PDXDC1: variants seen among roughly 807,000 people sequenced by gnomAD.
The protein encoded by PDXDC1 is pyridoxal dependent decarboxylase domain containing 1.
Under a neutral mutation model 100.1 loss-of-function variants are expected in PDXDC1, and 42 were observed. The observed-to-expected ratio is 0.42, with a 90% CI of 0.33 to 0.54. The LOEUF (loss-of-function observed/expected upper bound fraction) is 0.54. Among genes scored for constraint, PDXDC1 ranks in the 20% least tolerant of loss-of-function variants. The pLI, the probability that PDXDC1 is intolerant of heterozygous loss-of-function variation, is 0.10. For missense variants in PDXDC1, 636 were observed against 979.2 expected (o/e 0.65, Z 4.68); for synonymous variants, 260 against 371.7 (o/e 0.70, Z 3.46).
At chr16:15,094,465 A>G in intron 16 of PDXDC1, 2 of 576,376 alleles carry the variant, frequency 3.5e-6, no homozygotes, top group Admixed American at 6.5e-5. Flanking sequence ...GAGAGACGGG[A>G]AGGACCGGCT....
Position 15,094,004 on chromosome 16 carries a change from T to G in PDXDC1, c.1400-44875T>G, listed in dbSNP as rs987058178. 6 of 735,460 alleles carry G rather than the reference T, an allele frequency of 8.2e-6. No homozygotes were observed. In the African/African-American group the frequency reaches 1.1e-4, roughly 13 times the overall value. The allele number at this position is 735,460 out of a possible 1,614,324, so 45.6% of individuals were successfully genotyped here. A position where few individuals can be genotyped will look rare whatever the true frequency, so the allele number is the denominator to read the frequency against. ...CCCAGTTAGGAGGAATGAGCTCATT[T>G]CTGTGAACGTGAGATGACCCTCCAC... On this transcript the variant is annotated intron_variant, in intron 16 of 16. Transcript: ENST00000535621.
intron 1 of PDXDC1, among the ~76,000 whole-genome samples, chr16:14,985,438 C>T (rs1457534856): frequency 2.6e-5 from 4 of 152,236 alleles, no homozygotes; most frequent in Non-Finnish European, 5.9e-5. Flanking sequence ...CAGGCGCCCG[C>T]CAGCACACCT....
rs1267257461 is a variant in PDXDC1, at chr16:15,133,830, T to A, written c.1400-5049T>A. Reference sequence around the variant, plus strand: ...GAAGTGCACCTTGGTGGTGAGGGCGTGCACAGCGCCCAGTGGGAAGAGGCG... The same window carrying A: ...GAAGTGCACCTTGGTGGTGAGGGCGAGCACAGCGCCCAGTGGGAAGAGGCG... On this transcript the variant is annotated intron_variant, in intron 16 of 16. Coordinates refer to the PDXDC1 transcript ENST00000535621. The A allele has an allele frequency of 3.8e-6, 6 of 1,581,812 alleles. No homozygotes were observed. In the African/African-American group the frequency reaches 5.4e-5, roughly 14 times the overall value.
chr16:15,067,012 T>C (rs1191255870), intron 16 of PDXDC1, among the ~76,000 whole-genome samples: 1 of 149,204 alleles, frequency 6.7e-6, no homozygotes, highest in Non-Finnish European at 1.5e-5. Flanking sequence ...GCTTCATCCA[T>C]CCTCACTCTT....
chr16:15,085,853 C>A (rs1312517327), intron 16 of PDXDC1, among the ~76,000 whole-genome samples: 3 of 152,028 alleles, frequency 2.0e-5, no homozygotes, highest in African/African-American at 7.2e-5. Context: ...AACGCACAAT[C>A]TGAAAAAAAG....
intron 5 of PDXDC1, 105 bp downstream of exon 5, chr16:15,004,438 T>C: frequency 1.5e-6 from 2 of 1,325,092 alleles, no homozygotes; most frequent in East Asian, 2.4e-5. Flanking sequence ...TCCTTCTCCT[T>C]GAAAGGGGTG....
At chr16:15,078,266 T>C (rs990600232) in intron 16 of PDXDC1, among the ~76,000 whole-genome samples, 6 of 152,142 alleles carry the variant, frequency 3.9e-5, no homozygotes, top group Non-Finnish European at 8.8e-5. Context: ...TGCTTTCCTA[T>C]AGCATCAATG....
Position 15,128,716 on chromosome 16 carries a change from C to T in PDXDC1, c.1400-10163C>T, listed in dbSNP as rs1307204210. Among the ~76,000 whole-genome samples, 11 of 152,234 alleles carry T rather than the reference C, an allele frequency of 7.2e-5. No individual in the cohort carries two copies. The East Asian group carries it at 7.7e-4, about 11-fold the overall frequency. On this transcript the variant is annotated intron_variant, in intron 16 of 16. Transcript: ENST00000535621. ...CTCAGTCACGCCACAACCAGTGACC[C>T]GCACCACACACCCGTCCCTCAGTTC...
chr16:15,073,484 C>G (rs745970360), intron 16 of PDXDC1, among the ~76,000 whole-genome samples: 1 of 152,134 alleles, frequency 6.6e-6, no homozygotes, highest in African/African-American at 2.4e-5. Context: ...CAGACATTAT[C>G]CATTAAAATA....
chr16:14,993,601 A>G (rs1971339811), intron 1 of PDXDC1, among the ~76,000 whole-genome samples: 2 of 152,298 alleles, frequency 1.3e-5, no homozygotes, highest in South Asian at 4.1e-4. Context: ...CACAATAAAC[A>G]TACGTGTGCA....
chr16:15,149,426 G>C, the PDXDC1 span, among the ~76,000 whole-genome samples: 13 of 152,212 alleles, frequency 8.5e-5, no homozygotes, highest in East Asian at 1.9e-4. Context: ...CAGGATCCAG[G>C]GACCAGAAAT....
intron 6 of PDXDC1, among the ~76,000 whole-genome samples, chr16:15,008,192 A>G (rs1325426957): frequency 1.3e-5 from 2 of 152,300 alleles, no homozygotes; most frequent in Middle Eastern, 3.2e-3. Context: ...ATACAGAACA[A>G]TATGCTGCAA....
chr16:15,011,832 T>C (rs1317708411), intron 8 of PDXDC1, among the ~76,000 whole-genome samples: 1 of 152,156 alleles, frequency 6.6e-6, no homozygotes, highest in East Asian at 1.9e-4. Flanking sequence ...CCGGGCTAAT[T>C]TTTGTATTTT....
chr16:15,040,975 TC>T (rs937431941), downstream of PDXDC1: 6 of 870,450 alleles, frequency 6.9e-6, no homozygotes, highest in African/African-American at 9.9e-5. Flanking sequence ...AGCTGTCCCA[TC>T]CTGACAGCAG....
Position 15,130,382 on chromosome 16 carries a change from G to T in PDXDC1, c.1400-8497G>T, listed in dbSNP as rs757613809. The T allele has an allele frequency of 4.4e-6, 7 of 1,577,232 alleles. No homozygotes were observed. In the African/African-American group the frequency reaches 5.4e-5, roughly 12 times the overall value. On this transcript the variant is annotated intron_variant, in intron 16 of 16. Transcript: ENST00000535621. ...GGCACAGGGACGTGTACAGGCCCAC[G>T]GACACCTCCAGCGCCGACAGGCGGA... is the stretch of plus-strand genomic sequence containing the variant.
At chr16:14,993,755 G>A (rs557582628) in intron 1 of PDXDC1, among the ~76,000 whole-genome samples, 118 of 152,320 alleles carry the variant, frequency 7.7e-4, no homozygotes, top group East Asian at 6.6e-3. Flanking sequence ...TTAGAGTCCC[G>A]CCAACAGTGT....
intron 12 of PDXDC1, among the ~76,000 whole-genome samples, chr16:15,021,500 G>C (rs1347061197): frequency 6.6e-6 from 1 of 152,304 alleles, no homozygotes; most frequent in African/African-American, 2.4e-5. Context: ...TCTTAGGAAA[G>C]AGAAGCCTTA....
chr16:15,088,978 T>G (rs576571389), intron 16 of PDXDC1, among the ~76,000 whole-genome samples: 2 of 152,002 alleles, frequency 1.3e-5, no homozygotes, highest in East Asian at 3.9e-4. Flanking sequence ...TCTATGATGA[T>G]TCTGGGTAAA....
At chr16:15,027,026 A>C (rs1424198763) in intron 14 of PDXDC1, among the ~76,000 whole-genome samples, 2 of 134,106 alleles carry the variant, frequency 1.5e-5, no homozygotes, top group African/African-American at 2.6e-5. Flanking sequence ...TGTGCCCAGG[A>C]ATCTGTATCT....
Sources: gnomAD v4.1 joint callset for allele counts (sites outside exome capture counted in the v4.1 genomes callset) on GRCh38, gnomAD v4.1.1 for gene constraint, MANE v1.5 for transcripts, NCBI Gene and HGNC (gene_info 2026-07-23, HGNC 2026-07-21) for gene names.